BAIAP2L1: variants seen among roughly 807,000 people sequenced by gnomAD.
BAIAP2L1 encodes BAR/IMD domain containing adaptor protein 2 like 1, also known as BAR/IMD domain-containing adapter protein 2-like 1.
Under a neutral mutation model 66.3 loss-of-function variants are expected in BAIAP2L1, and 35 were observed. That is an observed-to-expected ratio of 0.53 (90% CI 0.40 to 0.70). The LOEUF (loss-of-function observed/expected upper bound fraction) is 0.70, where lower values mean the gene tolerates loss of function less well. Ranked by LOEUF, BAIAP2L1 falls within the 30% of genes least tolerant of loss-of-function variation. BAIAP2L1 has a pLI of 0.00. For synonymous variants in BAIAP2L1, 269 were observed against 248.7 expected, an observed-to-expected ratio of 1.08 and a Z score of -0.77; for missense variants, 622 against 656.9, an observed-to-expected ratio of 0.95 and a Z score of 0.58.
chr7:98,345,786 T>C (rs1456210574), intron 3 of BAIAP2L1, among the ~76,000 whole-genome samples: 1 of 152,152 alleles, frequency 6.6e-6, no homozygotes, highest in Non-Finnish European at 1.5e-5. Flanking sequence ...AAAGAAGATA[T>C]GCAAATGGCT....
intron 1 of BAIAP2L1, among the ~76,000 whole-genome samples, chr7:98,371,193 G>C (rs1051598474): frequency 5.9e-5 from 9 of 152,116 alleles, no homozygotes; most frequent in Non-Finnish European, 8.8e-5. Context: ...GGGCCAAGCA[G>C]CACTGTTACT....
intron 1 of BAIAP2L1, among the ~76,000 whole-genome samples, chr7:98,367,529 CCTGG>C (rs1448285330): frequency 1.6e-5 from 2 of 122,558 alleles, no homozygotes; most frequent in African/African-American, 5.6e-5. Context: ...CACCACCACA[CCTGG>C]CTTTTTTTTT....
At chr7:98,358,566 A>T (rs1802194411) in intron 2 of BAIAP2L1, among the ~76,000 whole-genome samples, 1 of 152,004 alleles carries the variant, frequency 6.6e-6, no homozygotes, top group African/African-American at 2.4e-5. Flanking sequence ...TATGTTGCCC[A>T]GGCTGGTCTT....
At chr7:98,322,613 T>C (rs1041101243) in intron 3 of BAIAP2L1, among the ~76,000 whole-genome samples, 3 of 152,128 alleles carry the variant, frequency 2.0e-5, no homozygotes, top group African/African-American at 7.2e-5. Flanking sequence ...CACCAAGACA[T>C]GTTCACCAGG....
At position 98,306,535 on chromosome 7, in the gene BAIAP2L1, A is replaced by G; in HGVS notation, c.1164-19T>C. On this transcript the variant is annotated intron_variant, in intron 10 of 13. Transcript: ENST00000005260. ...ACCCCTCCTACCGGCAAAGAGGGAG[A>G]AAAGACCCTATCAGCAGTAGACATG... The G allele has an allele frequency of 1.2e-6, 2 of 1,614,080 alleles. No homozygotes were observed. The highest frequency in any genetic ancestry group is 1.7e-6 in the Non-Finnish European group (2 of 1,180,004).
At position 98,307,748 on chromosome 7, in the gene BAIAP2L1, C is replaced by A. The variant is rs140203225; in HGVS notation, c.1104G>T (p.Thr368=). The A allele has an allele frequency of 2.0e-4, 315 of 1,614,240 alleles. 2 individuals carry two copies. In the African/African-American group the frequency reaches 3.5e-3, roughly 18 times the overall value. ...CATCCTTCTCCTCGGGGATGAGCAG[C>A]GTGATGACATCTCCCTGTGCAAAGC... The part of the protein sequence containing the change: ...LLSFAQGDVI[T]LLIPEEKDGW... Residue 368 remains threonine, a synonymous_variant, in exon 10 of 14, where the codon ACG becomes ACT. Transcript: ENST00000005260.
chr7:98,338,704 TATC>T (rs1801667725), intron 3 of BAIAP2L1, among the ~76,000 whole-genome samples: 1 of 152,218 alleles, frequency 6.6e-6, no homozygotes, highest in Non-Finnish European at 1.5e-5. Context: ...TTTTTCCACT[TATC>T]AGCAGGTGGA....
intron 3 of BAIAP2L1, among the ~76,000 whole-genome samples, chr7:98,332,291 G>C (rs6465671): frequency 1.4e-5 from 2 of 144,024 alleles, no homozygotes; most frequent in African/African-American, 5.2e-5. Flanking sequence ...GCTGAGGCAG[G>C]AGAATTGCTT....
At chr7:98,318,381 C>T (rs1036811687) in intron 5 of BAIAP2L1, among the ~76,000 whole-genome samples, 4 of 152,034 alleles carry the variant, frequency 2.6e-5, no homozygotes, top group African/African-American at 9.7e-5. Flanking sequence ...CTCTGCCTCC[C>T]GGGTTCAAGT....
chr7:98,359,851 C>T (rs1293217429), intron 2 of BAIAP2L1, among the ~76,000 whole-genome samples: 1 of 148,442 alleles, frequency 6.7e-6, no homozygotes, highest in East Asian at 2.0e-4. Context: ...CCTCGAACTT[C>T]TGGACTCAAG....
intron 3 of BAIAP2L1, among the ~76,000 whole-genome samples, chr7:98,331,054 A>C (rs1178438946): frequency 6.6e-6 from 1 of 152,224 alleles, no homozygotes; most frequent in Non-Finnish European, 1.5e-5. Context: ...ATTCAAAAAG[A>C]AATACTAGAA....
chr7:98,383,086 C>T (rs1802796124), intron 1 of BAIAP2L1, among the ~76,000 whole-genome samples: 1 of 151,814 alleles, frequency 6.6e-6, no homozygotes, highest in African/African-American at 2.4e-5. Flanking sequence ...TCACTTGAAC[C>T]CAGGAGGCGG....
intron 1 of BAIAP2L1, among the ~76,000 whole-genome samples, chr7:98,387,219 G>A (rs188810210): frequency 2.9e-3 from 444 of 152,238 alleles, no homozygotes; most frequent in South Asian, 6.6e-3. Context: ...GAGGGGCTGC[G>A]GCTACTAGAA....
chr7:98,388,067 G>A (rs1802939455), intron 1 of BAIAP2L1, among the ~76,000 whole-genome samples: 1 of 152,076 alleles, frequency 6.6e-6, no homozygotes, highest in Non-Finnish European at 1.5e-5. Flanking sequence ...AATGCTCTTG[G>A]TGGGGGTGGG....
In BAIAP2L1 at chr7:98,293,500, GGA is replaced by G; in HGVS notation, c.*19_*20del. On this transcript the variant is annotated 3_prime_UTR_variant, in exon 14 of 14. Transcript: ENST00000005260. ...CGCAAGGGAGAACCGGAGAGGCCCG[GGA>G]GAGTCCTTGGCTGTCCTCTCATCGA... 1 of 1,607,436 alleles carries G rather than the reference GGA, an allele frequency of 6.2e-7. No homozygotes were observed. The highest frequency in any genetic ancestry group is 8.5e-7 in the Non-Finnish European group (1 of 1,174,998).
At chr7:98,345,381 G>T (rs1328816526) in intron 3 of BAIAP2L1, among the ~76,000 whole-genome samples, 1 of 152,116 alleles carries the variant, frequency 6.6e-6, no homozygotes, top group Non-Finnish European at 1.5e-5. Flanking sequence ...AATGGGCAAA[G>T]GATCTGAACA....
chr7:98,304,118 G>A (rs1161225597), intron 12 of BAIAP2L1, 78 bp downstream of exon 12: 23 of 1,410,814 alleles, frequency 1.6e-5, no homozygotes, highest in East Asian at 2.5e-5. Flanking sequence ...AGAGCAAGGC[G>A]GTCACCACAG....
At chr7:98,338,452 A>G (rs933903715) in intron 3 of BAIAP2L1, among the ~76,000 whole-genome samples, 1 of 151,376 alleles carries the variant, frequency 6.6e-6, no homozygotes, top group African/African-American at 2.4e-5. Context: ...ACATGCCGTT[A>G]AGCAGCCATT....
At chr7:98,400,759 G>A (rs1401944135) in intron 1 of BAIAP2L1, 43 bp downstream of exon 1, 2 of 1,545,936 alleles carry the variant, frequency 1.3e-6, no homozygotes, top group South Asian at 1.2e-5. Context: ...GAACCCCGAG[G>A]TGGAAAGCCC....
Sources: allele counts gnomAD v4.1 joint callset (sites outside exome capture counted in the v4.1 genomes callset), GRCh38; gene constraint gnomAD v4.1.1; transcripts MANE v1.5; gene names NCBI Gene and HGNC (gene_info 2026-07-23, HGNC 2026-07-21).